Variants in AKR1C3 observed in about 807,000 individuals in gnomAD.
The protein encoded by AKR1C3 is 3-alpha hydroxysteroid dehydrogenase, type II.
In AKR1C3, 48 loss-of-function variants were observed where a neutral mutation model predicts 43.6. The observed-to-expected ratio is 1.10, with a 90% CI of 0.87 to 1.40. The LOEUF (loss-of-function observed/expected upper bound fraction) is 1.40. Among genes scored for constraint, AKR1C3 ranks in the 40% most tolerant of loss-of-function variants. The pLI is 0.00. For synonymous variants in AKR1C3, 162 were observed against 139.6 expected (o/e 1.16, Z -1.13); for missense variants, 482 against 391.2 (o/e 1.23, Z -1.96).
chr10:5,085,537 T>C (rs1157077179), intron 1 of AKR1C3, among the ~76,000 whole-genome samples: 1 of 151,770 alleles, frequency 6.6e-6, no homozygotes, highest in Non-Finnish European at 1.5e-5. Flanking sequence ...TAAAATTCTC[T>C]TTTTTTGTTG....
intron 1 of AKR1C3, among the ~76,000 whole-genome samples, chr10:5,069,812 T>G (rs1404476230): frequency 6.6e-6 from 1 of 151,902 alleles, no homozygotes; most frequent in East Asian, 1.9e-4. Context: ...AGGCAGAGGT[T>G]GTGGTGAGCT....
rs563115668 is a variant in AKR1C3, at chr10:5,097,029, A to G, written c.253-405A>G. Among the ~76,000 whole-genome samples, 123 of 152,320 alleles carry G rather than the reference A, an allele frequency of 8.1e-4. 2 individuals carry two copies. The South Asian group carries it at 0.024, about 30-fold the overall frequency. ...TGTGTCCAGCATAGTGAGCATGTTC[A>G]AAACTTGTTTTACCCCCCTTTTATG... On this transcript the variant is annotated intron_variant, in intron 2 of 8. Transcript: ENST00000380554.
intron 1 of AKR1C3, among the ~76,000 whole-genome samples, chr10:5,088,163 T>G (rs1248801344): frequency 6.6e-6 from 1 of 152,210 alleles, no homozygotes; most frequent in Non-Finnish European, 1.5e-5. Flanking sequence ...TCTAGTTTTA[T>G]TCAACTGCAG....
intron 6 of AKR1C3, 32 bp downstream of exon 6, chr10:5,102,242 C>A (rs1245672666): frequency 2.5e-6 from 4 of 1,597,734 alleles, no homozygotes; most frequent in African/African-American, 1.3e-5. Flanking sequence ...TTACATAAAC[C>A]TTCATTTTGC....
chr10:5,059,280 G>A (rs976282347), intron 1 of AKR1C3, among the ~76,000 whole-genome samples: 7 of 152,196 alleles, frequency 4.6e-5, no homozygotes, highest in Admixed American at 1.3e-4. Context: ...GAGACAGGTA[G>A]CAGTCTTTAG....
At chr10:5,057,915 G>T (rs1475850561) in intron 1 of AKR1C3, among the ~76,000 whole-genome samples, 6 of 152,180 alleles carry the variant, frequency 3.9e-5, no homozygotes, top group Non-Finnish European at 5.9e-5. Context: ...TCAAAGGTTT[G>T]CCCTAGACCC....
intron 5 of AKR1C3, among the ~76,000 whole-genome samples, chr10:5,100,368 T>C (rs575714618): frequency 2.0e-5 from 3 of 152,374 alleles, no homozygotes; most frequent in South Asian, 4.1e-4. Context: ...TGAGGAACTT[T>C]AGCAGAACAT....
Position 5,083,887 on chromosome 10 carries a change from T to G in AKR1C3, c.85-12523T>G, listed in dbSNP as rs140202169. ...TGCATAAATGTCTTCTTTTGAGAAG[T>G]GTCTGTTCATATACTTTGCCCACTT... On this transcript the variant is annotated intron_variant, in intron 1 of 8. Coordinates refer to the AKR1C3 transcript ENST00000439082. 7.1e-4 allele frequency among the ~76,000 whole-genome samples: 108 copies of G among 152,312 alleles called. 1 individual carries two copies. In the East Asian group the frequency reaches 0.02, roughly 28 times the overall value.
intron 1 of AKR1C3, among the ~76,000 whole-genome samples, chr10:5,095,845 T>C (rs1485712229): frequency 1.3e-5 from 2 of 152,126 alleles, no homozygotes; most frequent in Admixed American, 1.3e-4. Context: ...AGAATGACTA[T>C]GCAGAAAAGA....
At chr10:5,104,259 A>C (rs1376461563) in intron 7 of AKR1C3, among the ~76,000 whole-genome samples, 1 of 152,158 alleles carries the variant, frequency 6.6e-6, no homozygotes, top group African/African-American at 2.4e-5. Flanking sequence ...TTGTAAATTC[A>C]AATGAATTTC....
chr10:5,062,113 G>A (rs1481843698), intron 1 of AKR1C3, among the ~76,000 whole-genome samples: 1 of 152,168 alleles, frequency 6.6e-6, no homozygotes, highest in Non-Finnish European at 1.5e-5. Context: ...TTTCATTTCA[G>A]AATACTCTTT....
At chr10:5,064,255 A>G (rs1385087017) in intron 1 of AKR1C3, among the ~76,000 whole-genome samples, 2 of 152,208 alleles carry the variant, frequency 1.3e-5, no homozygotes, top group Non-Finnish European at 2.9e-5. Flanking sequence ...AGGGAACACT[A>G]GAGAAGTCCC....
intron 8 of AKR1C3, among the ~76,000 whole-genome samples, chr10:5,106,975 ATCC>A (rs1261064923): frequency 5.3e-5 from 8 of 152,178 alleles, no homozygotes; most frequent in South Asian, 2.1e-4. Flanking sequence ...AATTCTTATC[ATCC>A]ATTAAAAATG....
chr10:5,093,084 C>T (rs1554784559), upstream of AKR1C3, among the ~76,000 whole-genome samples: 1 of 152,048 alleles, frequency 6.6e-6, no homozygotes, highest in East Asian at 1.9e-4. Flanking sequence ...TACCTACTGG[C>T]TTTTGAATAG....
At chr10:5,070,358 G>A (rs1176836206) in intron 1 of AKR1C3, among the ~76,000 whole-genome samples, 3 of 152,138 alleles carry the variant, frequency 2.0e-5, no homozygotes, top group Non-Finnish European at 4.4e-5. Flanking sequence ...AAGAAATAAT[G>A]AAGCAACAAA....
At chr10:5,071,586 G>A (rs1487362921) in intron 1 of AKR1C3, among the ~76,000 whole-genome samples, 1 of 152,168 alleles carries the variant, frequency 6.6e-6, no homozygotes, top group Non-Finnish European at 1.5e-5. Flanking sequence ...TGGTCTGTAA[G>A]GATCTGAACA....
chr10:5,093,035 C>T (rs1286906042), upstream of AKR1C3, among the ~76,000 whole-genome samples: 2 of 152,044 alleles, frequency 1.3e-5, no homozygotes, highest in Non-Finnish European at 2.9e-5. Context: ...GAACTTGTAT[C>T]TGCCTGGACT....
intron 1 of AKR1C3, among the ~76,000 whole-genome samples, chr10:5,068,473 A>C (rs1838553997): frequency 6.6e-6 from 1 of 151,350 alleles, no homozygotes; most frequent in South Asian, 2.1e-4. Flanking sequence ...ATGATGACTC[A>C]GAAATTTTAA....
intron 1 of AKR1C3, among the ~76,000 whole-genome samples, chr10:5,086,041 A>G (rs534903474): frequency 6.6e-6 from 1 of 151,530 alleles, no homozygotes; most frequent in Non-Finnish European, 1.5e-5. Flanking sequence ...TGGTTTCATT[A>G]ATTTTTTGAA....
Sources: gnomAD v4.1 joint callset for allele counts (sites outside exome capture counted in the v4.1 genomes callset) on GRCh38, gnomAD v4.1.1 for gene constraint, MANE v1.5 for transcripts, NCBI Gene and HGNC (gene_info 2026-07-23, HGNC 2026-07-21) for gene names.